HIVEP3: variants seen among roughly 807,000 people sequenced by gnomAD.
HIVEP3 encodes transcription factor HIVEP3.
Under a neutral mutation model 152.8 loss-of-function variants are expected in HIVEP3, and 49 were observed. The observed-to-expected ratio is 0.32, with a 90% CI of 0.26 to 0.41. HIVEP3 has a LOEUF of 0.41. HIVEP3 is among the 10% of genes least tolerant of loss of function. The pLI is 1.00. For synonymous variants in HIVEP3, 1,269 were observed against 1,289.0 expected (o/e 0.98, Z 0.33); for missense variants, 2,790 against 3,103.3 (o/e 0.90, Z 2.40).
At chr1:41,767,581 G>T (rs1648093910) in intron 1 of HIVEP3, among the ~76,000 whole-genome samples, 1 of 152,268 alleles carries the variant, frequency 6.6e-6, no homozygotes, top group South Asian at 2.1e-4. Context: ...CTGTCACCTG[G>T]CTCTGTATCA....
chr1:41,725,215 T>A (rs1184785265), intron 1 of HIVEP3, among the ~76,000 whole-genome samples: 1 of 152,182 alleles, frequency 6.6e-6, no homozygotes, highest in Non-Finnish European at 1.5e-5. Flanking sequence ...GTGAATGGCA[T>A]CCCTGAATCA....
At chr1:41,643,385 C>T (rs1303303706) in intron 2 of HIVEP3, among the ~76,000 whole-genome samples, 1 of 152,242 alleles carries the variant, frequency 6.6e-6, no homozygotes, top group Non-Finnish European at 1.5e-5. Context: ...GGAGTGCCTT[C>T]AGGGCAAGAA....
At chr1:41,701,047 T>C (rs1325547142) in intron 1 of HIVEP3, 52 bp from the exon 2 acceptor site, 93 of 896,544 alleles carry the variant, frequency 1.0e-4, no homozygotes, top group Non-Finnish European at 1.2e-4. Context: ...TCTGTCAACT[T>C]TCATCTGAGT....
In HIVEP3 at chr1:41,637,112, G is replaced by A. The variant is rs1176650329; in HGVS notation, c.-720-8165C>T. ...TATAGATGAGGAGAATCTTTTAACCGTGTCTACCAAAATGTATGTTGACTC... is the reference window on the plus strand; with the variant it reads ...TATAGATGAGGAGAATCTTTTAACCATGTCTACCAAAATGTATGTTGACTC... On this transcript the variant is annotated intron_variant, in intron 2 of 8. Coordinates refer to ENST00000372583, the MANE Select transcript of HIVEP3 (RefSeq NM_024503.5). Among the ~76,000 whole-genome samples, 9 of 152,250 alleles carry A rather than the reference G, an allele frequency of 5.9e-5. No homozygotes were observed. The South Asian group carries it at 6.2e-4, about 11-fold the overall frequency.
intron 1 of HIVEP3, among the ~76,000 whole-genome samples, chr1:41,955,335 G>T (rs1356065614): frequency 6.6e-6 from 1 of 152,098 alleles, no homozygotes; most frequent in African/African-American, 2.4e-5. Flanking sequence ...GTTATGAATT[G>T]GTTCCCTCCT....
chr1:41,560,817 C>T (rs556801359), intron 5 of HIVEP3, among the ~76,000 whole-genome samples: 2 of 152,300 alleles, frequency 1.3e-5, no homozygotes, highest in South Asian at 4.1e-4. Context: ...CTTTGTGCTC[C>T]TCACCTCACC....
chr1:41,751,385 G>A (rs1217498948), intron 1 of HIVEP3, among the ~76,000 whole-genome samples: 2 of 130,918 alleles, frequency 1.5e-5, no homozygotes, highest in Admixed American at 9.4e-5. Context: ...AAGTCAGCCT[G>A]CTAAATTTAG....
At chr1:41,612,329 G>A (rs376474376) in intron 3 of HIVEP3, among the ~76,000 whole-genome samples, 7 of 152,112 alleles carry the variant, frequency 4.6e-5, no homozygotes, top group Non-Finnish European at 7.3e-5. Flanking sequence ...CAACAATGCC[G>A]CCTTACGTTA....
chr1:41,920,841 T>C (rs1212373048), upstream of HIVEP3, among the ~76,000 whole-genome samples: 1 of 152,228 alleles, frequency 6.6e-6, no homozygotes, highest in Non-Finnish European at 1.5e-5. Context: ...CATGAATCAC[T>C]TCAGCTGTAA....
chr1:41,696,863 A>G (rs1646285321), intron 2 of HIVEP3, among the ~76,000 whole-genome samples: 1 of 152,212 alleles, frequency 6.6e-6, no homozygotes, highest in Non-Finnish European at 1.5e-5. Flanking sequence ...TACTTTCCAA[A>G]ATTTTCTCAA....
chr1:41,948,968 T>C (rs529820397), intron 1 of HIVEP3, among the ~76,000 whole-genome samples: 1 of 152,290 alleles, frequency 6.6e-6, no homozygotes, highest in Non-Finnish European at 1.5e-5. Flanking sequence ...TCTGTTTTAG[T>C]AGGACCTCTT....
intron 6 of HIVEP3, among the ~76,000 whole-genome samples, chr1:41,521,372 C>T (rs964632174): frequency 6.6e-6 from 1 of 152,192 alleles, no homozygotes; most frequent in Non-Finnish European, 1.5e-5. Context: ...CACCAGGGAG[C>T]CCCCCATAGG....
intron 1 of HIVEP3, among the ~76,000 whole-genome samples, chr1:41,865,329 C>T (rs1643948795): frequency 6.6e-6 from 1 of 152,194 alleles, no homozygotes. Context: ...CTGTGCAGCC[C>T]ACCTGTCAAA....
chr1:41,882,719 A>G (rs145261032), intron 1 of HIVEP3, among the ~76,000 whole-genome samples: 77 of 152,224 alleles, frequency 5.1e-4, no homozygotes, highest in Middle Eastern at 3.4e-3. Flanking sequence ...CAAGCACTCA[A>G]TCAATGAGAA....
At chr1:41,654,673 A>G (rs1397996451) in intron 2 of HIVEP3, among the ~76,000 whole-genome samples, 4 of 152,190 alleles carry the variant, frequency 2.6e-5, no homozygotes, top group African/African-American at 9.7e-5. Context: ...CTGTTCCAGA[A>G]TCCATTCCAG....
intron 1 of HIVEP3, among the ~76,000 whole-genome samples, chr1:42,004,560 G>A (rs1379531091): frequency 6.6e-6 from 1 of 152,108 alleles, no homozygotes; most frequent in Non-Finnish European, 1.5e-5. Context: ...ACTGCCGACC[G>A]CTTGAGCTCC....
rs536037993 is a variant in HIVEP3, at chr1:41,673,921, C to T, written c.-721+26995G>A. On this transcript the variant is annotated intron_variant, in intron 2 of 8. Transcript: ENST00000372583. ...AGTGTGGGACCTCCCTGAACCCCCA[C>T]CCCAGCCCGTGCAGAAGGTGGGGTT... is the stretch of plus-strand genomic sequence containing the variant. Among the ~76,000 whole-genome samples the T allele has an allele frequency of 7.6e-4, 116 of 152,324 alleles. 1 individual carries two copies. The highest frequency in any genetic ancestry group is 2.7e-3 in the African/African-American group (113 of 41,580).
At chr1:41,945,136 T>A (rs1645068061) in intron 1 of HIVEP3, among the ~76,000 whole-genome samples, 1 of 152,106 alleles carries the variant, frequency 6.6e-6, no homozygotes, top group Non-Finnish European at 1.5e-5. Flanking sequence ...AAAAGTGTGA[T>A]TTATGCCCTA....
intron 1 of HIVEP3, among the ~76,000 whole-genome samples, chr1:41,845,444 C>T (rs1188807964): frequency 6.6e-6 from 1 of 151,386 alleles, no homozygotes; most frequent in African/African-American, 2.4e-5. Flanking sequence ...CACACACACA[C>T]ACACACACAC....
Sources: allele counts gnomAD v4.1 joint callset (sites outside exome capture counted in the v4.1 genomes callset), GRCh38; gene constraint gnomAD v4.1.1; transcripts MANE v1.5; gene names NCBI Gene and HGNC (gene_info 2026-07-23, HGNC 2026-07-21).